The following RAPGEF5 variants were observed in gnomAD, a reference collection of about 807,000 sequenced individuals.
RAPGEF5 encodes M-Ras-regulated GEF.
A neutral mutation model predicts 125.2 loss-of-function variants in RAPGEF5; 65 were observed. That is an observed-to-expected ratio of 0.52 (90% confidence interval 0.43 to 0.64). RAPGEF5 has a LOEUF of 0.64. RAPGEF5 is among the 30% of genes least tolerant of loss of function. The probability of loss-of-function intolerance (pLI) is 0.00; values close to 1 mark genes in which losing one functional copy is unlikely to be tolerated. For missense variants in RAPGEF5, 958 were observed against 1,048.1 expected (o/e 0.91, Z 1.19); for synonymous variants, 391 against 385.9 (o/e 1.01, Z -0.16).
intron 14 of RAPGEF5, among the ~76,000 whole-genome samples, chr7:22,160,094 G>A (rs554785822): frequency 1.3e-5 from 2 of 152,254 alleles, no homozygotes; most frequent in East Asian, 1.9e-4. Context: ...GAGCAGCAGA[G>A]TGAGACTATG....
Position 22,290,174 on chromosome 7 carries a change from T to C in RAPGEF5, c.747+1001A>G, listed in dbSNP as rs922569685. 1.5e-4 allele frequency among the ~76,000 whole-genome samples: 23 copies of C among 152,228 alleles called. 1 individual carries two copies. The highest frequency in any genetic ancestry group is 2.4e-5 in the African/African-American group (1 of 41,456). On this transcript the variant is annotated intron_variant, in intron 6 of 25. Coordinates refer to ENST00000665637, the MANE Select transcript of RAPGEF5 (RefSeq NM_012294.5). The stretch of plus-strand genomic sequence containing the variant: ...ACAAGACCTAGTGTATAAAACTCTG[T>C]ACAGACCAGTTTCATCCTTACACAT...
chr7:22,300,604 C>T (rs1410659250), intron 5 of RAPGEF5, among the ~76,000 whole-genome samples: 1 of 152,146 alleles, frequency 6.6e-6, no homozygotes, highest in Non-Finnish European at 1.5e-5. Context: ...TTGGGTCTGT[C>T]CCGCAGATGT....
At chr7:22,331,018 C>T (rs75048744) in intron 1 of RAPGEF5, among the ~76,000 whole-genome samples, 10,616 of 152,220 alleles carry the variant, frequency 0.07, 476 homozygotes, top group South Asian at 0.16. Context: ...TGATCCCTGC[C>T]CCACAGCCCT....
At chr7:22,342,107 G>T (rs1282412442) in intron 1 of RAPGEF5, among the ~76,000 whole-genome samples, 1 of 152,218 alleles carries the variant, frequency 6.6e-6, no homozygotes, top group Non-Finnish European at 1.5e-5. Flanking sequence ...TAAAATCTAG[G>T]CAGAGGTTCT....
chr7:22,195,588 C>T (rs373349731), intron 9 of RAPGEF5, among the ~76,000 whole-genome samples: 12 of 152,166 alleles, frequency 7.9e-5, no homozygotes, highest in East Asian at 1.9e-4. Flanking sequence ...TCCCTGAGGA[C>T]GACAGTGGGA....
chr7:22,144,570 A>C (rs1006194226), intron 20 of RAPGEF5, among the ~76,000 whole-genome samples: 3 of 152,216 alleles, frequency 2.0e-5, no homozygotes. Flanking sequence ...GGGTGCACCC[A>C]GGGATGAGGC....
intron 9 of RAPGEF5, among the ~76,000 whole-genome samples, chr7:22,198,419 A>G (rs1785202401): frequency 6.6e-6 from 1 of 152,234 alleles, no homozygotes; most frequent in African/African-American, 2.4e-5. Flanking sequence ...AAGGAGTTAC[A>G]TATACATCAG....
chr7:22,308,832 A>G (rs957351862), intron 4 of RAPGEF5, among the ~76,000 whole-genome samples: 30 of 152,198 alleles, frequency 2.0e-4, no homozygotes, highest in African/African-American at 7.2e-4. Context: ...GCAAATTAGT[A>G]TATTTAATTA....
intron 1 of RAPGEF5, among the ~76,000 whole-genome samples, chr7:22,339,400 C>A (rs1245961545): frequency 6.6e-6 from 1 of 152,180 alleles, no homozygotes; most frequent in Non-Finnish European, 1.5e-5. Flanking sequence ...GAAGACAGCT[C>A]CCCTGAAGAG....
chr7:22,147,242 G>A (rs1050541513), intron 18 of RAPGEF5, among the ~76,000 whole-genome samples: 2 of 152,128 alleles, frequency 1.3e-5, no homozygotes, highest in African/African-American at 2.4e-5. Flanking sequence ...GAGTTCGCCC[G>A]CTCCTCCCCC....
chr7:22,355,040 T>G lies in RAPGEF5; in HGVS notation c.231+1790A>C, dbSNP rs561865655. ...GGCAGAAGAAAGGGGAAATAAACAG[T>G]CAAATAAATAGTCAAAAAGTATGGG... is the stretch of plus-strand genomic sequence containing the variant. On this transcript the variant is annotated intron_variant, in intron 1 of 25. Transcript: ENST00000665637. Among the ~76,000 whole-genome samples the G allele has an allele frequency of 5.3e-5, 8 of 152,180 alleles. No homozygotes were observed. The East Asian group carries it at 1.5e-3, about 29-fold the overall frequency.
chr7:22,167,228 C>A, intron 11 of RAPGEF5, 80 bp from the exon 12 acceptor site: 3 of 1,058,268 alleles, frequency 2.8e-6, no homozygotes, highest in East Asian at 2.5e-5. Flanking sequence ...GCCCCAGAAC[C>A]ATGTGCATGG....
At chr7:22,272,679 A>C (rs949961726) in intron 6 of RAPGEF5, among the ~76,000 whole-genome samples, 25 of 152,210 alleles carry the variant, frequency 1.6e-4, no homozygotes, top group Admixed American at 1.0e-3. Context: ...GCCATTATAT[A>C]ATGTTAAGCT....
At chr7:22,336,685 G>A (rs1247653961) in intron 1 of RAPGEF5, among the ~76,000 whole-genome samples, 1 of 152,126 alleles carries the variant, frequency 6.6e-6, no homozygotes, top group East Asian at 1.9e-4. Context: ...CAGTGGGGAG[G>A]AGCCTGGCCC....
intron 7 of RAPGEF5, among the ~76,000 whole-genome samples, chr7:22,235,688 T>C (rs1007154876): frequency 9.9e-5 from 15 of 152,260 alleles, no homozygotes; most frequent in African/African-American, 3.6e-4. Flanking sequence ...CAGTTCTTCA[T>C]TATCTAAATA....
At chr7:22,197,954 A>G (rs1351004900) in intron 9 of RAPGEF5, among the ~76,000 whole-genome samples, 1 of 149,620 alleles carries the variant, frequency 6.7e-6, no homozygotes, top group Non-Finnish European at 1.5e-5. Context: ...CAGGAGCACA[A>G]TCTCCACTCA....
At chr7:22,283,182 A>G (rs180872199) in intron 6 of RAPGEF5, among the ~76,000 whole-genome samples, 138 of 152,286 alleles carry the variant, frequency 9.1e-4, no homozygotes, top group Non-Finnish European at 1.3e-3. Flanking sequence ...TTCAAGTTAA[A>G]TAATACAAAT....
intron 6 of RAPGEF5, among the ~76,000 whole-genome samples, chr7:22,271,585 CA>C (rs1782428532): frequency 1.3e-5 from 2 of 152,266 alleles, no homozygotes; most frequent in African/African-American, 4.8e-5. Context: ...ATAGTTTACT[CA>C]ATATAAAACA....
At chr7:22,213,823 A>G (rs1785566329) in intron 9 of RAPGEF5, among the ~76,000 whole-genome samples, 1 of 152,234 alleles carries the variant, frequency 6.6e-6, no homozygotes, top group African/African-American at 2.4e-5. Flanking sequence ...GTTAAACTAA[A>G]TTACTGATAA....
Sources: allele counts gnomAD v4.1 joint callset (sites outside exome capture counted in the v4.1 genomes callset), GRCh38; gene constraint gnomAD v4.1.1; transcripts MANE v1.5; gene names NCBI Gene and HGNC (gene_info 2026-07-23, HGNC 2026-07-21).